The following UGT1A8 variants were observed in gnomAD, a reference collection of about 807,000 sequenced individuals.
The protein encoded by UGT1A8 is UDP-glucuronosyltransferase 1A8.
A neutral mutation model predicts 45.3 loss-of-function variants in UGT1A8; 39 were observed. That is an observed-to-expected ratio of 0.86 (90% confidence interval 0.67 to 1.12). The LOEUF (loss-of-function observed/expected upper bound fraction) is 1.12. Among genes scored for constraint, UGT1A8 ranks in the 50% most tolerant of loss-of-function variants. UGT1A8 has a pLI of 0.00. For synonymous variants in UGT1A8, 275 were observed against 249.2 expected (o/e 1.10, Z -0.97); for missense variants, 719 against 664.9 (o/e 1.08, Z -0.90).
chr2:233,721,336 T>C (rs1211352998), intron 1 of UGT1A8, among the ~76,000 whole-genome samples: 1 of 152,216 alleles, frequency 6.6e-6, no homozygotes, highest in African/African-American at 2.4e-5. Context: ...TTTTTCACTA[T>C]GAATATATTC....
At chr2:233,724,277 C>G (rs1162056701) in intron 1 of UGT1A8, among the ~76,000 whole-genome samples, 11 of 115,820 alleles carry the variant, frequency 9.5e-5, no homozygotes, top group African/African-American at 3.2e-4. Context: ...GGCGGCTGGC[C>G]GGGCGGGGGG....
At chr2:233,714,348 G>T (rs1046988136) in intron 1 of UGT1A8, among the ~76,000 whole-genome samples, 3 of 152,216 alleles carry the variant, frequency 2.0e-5, no homozygotes, top group African/African-American at 7.2e-5. Flanking sequence ...AGAGGAAGTA[G>T]AGGTTTCAAA....
At chr2:233,691,740 AC>A in intron 1 of UGT1A8, 1 of 684,072 alleles carries the variant, frequency 1.5e-6, no homozygotes. Context: ...AGAAGCAGAT[AC>A]CAGGCTTTCT....
chr2:233,682,632 C>G (rs1559339881), intron 1 of UGT1A8: 4 of 1,613,934 alleles, frequency 2.5e-6, no homozygotes, highest in Non-Finnish European at 3.4e-6. Context: ...GAAATAGCCT[C>G]TGAAATTCTC....
intron 1 of UGT1A8, chr2:233,718,944 C>T (rs553189135): frequency 6.2e-7 from 1 of 1,614,060 alleles, no homozygotes; most frequent in African/African-American, 1.3e-5. Flanking sequence ...CAGCCCCTGG[C>T]TCAGCATGCG....
At chr2:233,744,357 G>A (rs1350694311) in intron 1 of UGT1A8, among the ~76,000 whole-genome samples, 2 of 151,858 alleles carry the variant, frequency 1.3e-5, no homozygotes, top group South Asian at 2.1e-4. Context: ...AAGACATCCT[G>A]TTGTTTAGGA....
At chr2:233,724,183 G>A (rs1455555189) in intron 1 of UGT1A8, among the ~76,000 whole-genome samples, 1,241 of 117,586 alleles carry the variant, frequency 0.011, 5 homozygotes, top group Non-Finnish European at 0.017. Flanking sequence ...TCTCCCTCCC[G>A]GACGGGGTGG....
intron 1 of UGT1A8, among the ~76,000 whole-genome samples, chr2:233,663,993 C>A (rs766096389): frequency 6.6e-6 from 1 of 152,178 alleles, no homozygotes; most frequent in Non-Finnish European, 1.5e-5. Flanking sequence ...CAGGCCACAT[C>A]TGGAATACTT....
At chr2:233,716,635 G>A (rs977802865) in intron 1 of UGT1A8, among the ~76,000 whole-genome samples, 5 of 151,972 alleles carry the variant, frequency 3.3e-5, no homozygotes, top group African/African-American at 4.8e-5. Context: ...AGTTTTTATC[G>A]TTTGTACTTT....
At chr2:233,726,020 T>C (rs1287334417) in intron 1 of UGT1A8, among the ~76,000 whole-genome samples, 1 of 152,052 alleles carries the variant, frequency 6.6e-6, no homozygotes, top group African/African-American at 2.4e-5. Context: ...CAAAAAATTA[T>C]CCAGGTGTGA....
At chr2:233,754,727 A>G (rs1302985186) in intron 1 of UGT1A8, 1 of 608,774 alleles carries the variant, frequency 1.6e-6, no homozygotes, top group Non-Finnish European at 2.8e-6. Context: ...CTGTCCCATC[A>G]CTACCGTAGG....
intron 1 of UGT1A8, among the ~76,000 whole-genome samples, chr2:233,710,223 G>T (rs1158018744): frequency 1.3e-5 from 2 of 152,178 alleles, no homozygotes; most frequent in Non-Finnish European, 2.9e-5. Flanking sequence ...GAATAAAGCT[G>T]CTATGACTAT....
Position 233,768,305 on chromosome 2 carries a change from G to A in UGT1A8, c.1161G>A (p.Met387Ile), listed in dbSNP as rs1559415443. The A allele has an allele frequency of 1.2e-6, 2 of 1,614,084 alleles. No homozygotes were observed. Among genetic ancestry groups the A allele is most frequent in the Admixed American group, 1.7e-5 (1 of 59,988 alleles). ...TATGCAATGGCGTTCCCATGGTGAT[G>A]ATGCCCTTGTTTGGTGATCAGATGG... is the stretch of plus-strand genomic sequence containing the variant. ...ESICNGVPMV[M>I]MPLFGDQMDN... The change falls in exon 4 of 5, where the codon ATG becomes ATA. Residue 387 changes from methionine to isoleucine, a missense_variant. By Grantham distance (10) the Met-to-Ile change is conservative. Transcript: ENST00000373450.
At chr2:233,638,287 A>G (rs1302115415) in intron 1 of UGT1A8, among the ~76,000 whole-genome samples, 1 of 152,134 alleles carries the variant, frequency 6.6e-6, no homozygotes, top group East Asian at 1.9e-4. Flanking sequence ...TTACTTTAGA[A>G]ACTATTTTGT....
chr2:233,757,539 T>TATATACATATACATATATAC (rs762018928), intron 1 of UGT1A8, among the ~76,000 whole-genome samples: 1 of 115,748 alleles, frequency 8.6e-6, no homozygotes, highest in African/African-American at 3.8e-5. Flanking sequence ...GTAAGGAATA[T>TATATACATATACATATATAC]ATATATATAT....
At chr2:233,672,662 A>G (rs745434750) in intron 1 of UGT1A8, 13 of 1,613,884 alleles carry the variant, frequency 8.1e-6, no homozygotes, top group East Asian at 2.2e-5. Flanking sequence ...ACGGAGTATG[A>G]TCTCTACAGC....
chr2:233,727,660 A>G (rs1325777939), intron 1 of UGT1A8, among the ~76,000 whole-genome samples: 2 of 152,150 alleles, frequency 1.3e-5, no homozygotes, highest in Admixed American at 6.5e-5. Context: ...CTAGTGCTCT[A>G]TGTCCTTACA....
intron 1 of UGT1A8, among the ~76,000 whole-genome samples, chr2:233,675,835 A>T (rs1230851345): frequency 1.3e-5 from 2 of 152,196 alleles, no homozygotes; most frequent in African/African-American, 2.4e-5. Flanking sequence ...ATCACTGAAC[A>T]ATTCATTTAA....
intron 1 of UGT1A8, chr2:233,693,975 G>C: frequency 6.4e-7 from 1 of 1,566,020 alleles, no homozygotes; most frequent in Non-Finnish European, 8.6e-7. Context: ...CTGGAGAAAC[G>C]GTGGGGGGAA....
Sources: allele counts gnomAD v4.1 joint callset (sites outside exome capture counted in the v4.1 genomes callset), GRCh38; gene constraint gnomAD v4.1.1; transcripts MANE v1.5; gene names NCBI Gene and HGNC (gene_info 2026-07-23, HGNC 2026-07-21).